Variants in STPG2 observed in about 807,000 individuals in gnomAD.
The protein encoded by STPG2 is sperm tail PG-rich repeat containing 2.
STPG2 carries 56 observed loss-of-function variants against 54.2 expected under a neutral mutation model. The observed-to-expected ratio is 1.03, with a 90% CI of 0.83 to 1.29. STPG2 has a LOEUF of 1.29. Among genes scored for constraint, STPG2 ranks in the 50% most tolerant of loss-of-function variants. The pLI, the probability that STPG2 is intolerant of heterozygous loss-of-function variation, is 0.00. For synonymous variants in STPG2, 200 were observed against 181.8 expected (o/e 1.10, Z -0.81); for missense variants, 596 against 544.9 (o/e 1.09, Z -0.93).
chr4:97,881,677 A>G (rs765024218), intron 8 of STPG2, among the ~76,000 whole-genome samples: 1 of 152,164 alleles, frequency 6.6e-6, no homozygotes, highest in South Asian at 2.1e-4. Flanking sequence ...TTAGACTAAA[A>G]TATTTCCTAC....
At chr4:97,803,771 C>T (rs1371296898) in intron 9 of STPG2, among the ~76,000 whole-genome samples, 1 of 152,152 alleles carries the variant, frequency 6.6e-6, no homozygotes, top group Non-Finnish European at 1.5e-5. Flanking sequence ...GAACTCCTGA[C>T]CTCAAATGAT....
chr4:97,991,520 C>T (rs557375368), intron 5 of STPG2, among the ~76,000 whole-genome samples: 41 of 151,110 alleles, frequency 2.7e-4, no homozygotes, highest in African/African-American at 1.0e-3. Context: ...GGCATTTGGG[C>T]TCCTTCCATA....
At chr4:97,863,836 C>A (rs1022900883) in intron 8 of STPG2, among the ~76,000 whole-genome samples, 10 of 151,944 alleles carry the variant, frequency 6.6e-5, no homozygotes, top group South Asian at 2.1e-4. Flanking sequence ...ATAAACAGAA[C>A]CAAAGACAAA....
chr4:97,950,251 C>T (rs1487449980), intron 7 of STPG2, among the ~76,000 whole-genome samples: 1 of 151,918 alleles, frequency 6.6e-6, no homozygotes, highest in African/African-American at 2.4e-5. Flanking sequence ...TTAGGTTTGG[C>T]CATTTTACAT....
At chr4:97,679,693 T>A (rs1722968113) in intron 10 of STPG2, among the ~76,000 whole-genome samples, 1 of 152,190 alleles carries the variant, frequency 6.6e-6, no homozygotes, top group Non-Finnish European at 1.5e-5. Context: ...AGACATGAAG[T>A]CCTTGCCCAT....
intron 1 of STPG2, among the ~76,000 whole-genome samples, chr4:98,137,128 A>G (rs969209390): frequency 2.0e-5 from 3 of 151,774 alleles, no homozygotes; most frequent in African/African-American, 7.2e-5. Flanking sequence ...TAAGACATAA[A>G]AACAGAAATT....
chr4:98,121,978 C>T (rs1739694006), intron 3 of STPG2, among the ~76,000 whole-genome samples: 1 of 152,128 alleles, frequency 6.6e-6, no homozygotes. Context: ...CATCAGCCTC[C>T]CAAAGTGCTG....
chr4:97,622,629 A>G (rs1339050101), intron 10 of STPG2, among the ~76,000 whole-genome samples: 1 of 152,292 alleles, frequency 6.6e-6, no homozygotes, highest in Non-Finnish European at 1.5e-5. Context: ...GCACAAATAA[A>G]TGGAAAAACA....
At chr4:97,647,225 T>TCC (rs1337383307) in intron 10 of STPG2, among the ~76,000 whole-genome samples, 1 of 152,184 alleles carries the variant, frequency 6.6e-6, no homozygotes, top group Non-Finnish European at 1.5e-5. Context: ...AAGTTCTGGC[T>TCC]CTGCCATTTA....
At chr4:97,492,446 A>G (rs139220299) in intron 4 of STPG2, among the ~76,000 whole-genome samples, 5 of 151,540 alleles carry the variant, frequency 3.3e-5, no homozygotes, top group African/African-American at 1.2e-4. Flanking sequence ...CCAAGATGTA[A>G]CTTCCTATTT....
chr4:97,846,623 C>CAAAAAAAA (rs540016952), intron 8 of STPG2, among the ~76,000 whole-genome samples: 1 of 68,374 alleles, frequency 1.5e-5, no homozygotes, highest in Non-Finnish European at 2.9e-5. Context: ...GACTCCACCT[C>CAAAAAAAA]AAAAAAAAAA....
intron 5 of STPG2, among the ~76,000 whole-genome samples, chr4:98,085,036 T>C (rs1017109153): frequency 2.6e-5 from 4 of 152,122 alleles, no homozygotes; most frequent in African/African-American, 7.2e-5. Flanking sequence ...TACCCCAAAA[T>C]TGTACAGATT....
chr4:97,631,140 G>T (rs1197824378), intron 10 of STPG2, among the ~76,000 whole-genome samples: 1 of 151,938 alleles, frequency 6.6e-6, no homozygotes, highest in Non-Finnish European at 1.5e-5. Flanking sequence ...TTGGGAAAAA[G>T]ATTCTATCAA....
At chr4:97,991,876 A>C (rs561568919) in intron 5 of STPG2, among the ~76,000 whole-genome samples, 1 of 151,610 alleles carries the variant, frequency 6.6e-6, no homozygotes, top group Non-Finnish European at 1.5e-5. Flanking sequence ...GCATTTTTTC[A>C]TATGTTTGTT....
At chr4:98,036,829 CA>C (rs1240064889) in intron 5 of STPG2, among the ~76,000 whole-genome samples, 3 of 151,956 alleles carry the variant, frequency 2.0e-5, no homozygotes, top group Admixed American at 6.6e-5. Flanking sequence ...AAAGAAGACA[CA>C]AAGATTAAAG....
chr4:98,105,870 A>T lies in STPG2; in HGVS notation c.612+83T>A, dbSNP rs1002770914. The T allele has an allele frequency of 4.9e-6, 6 of 1,218,086 alleles. No individual in the cohort carries two copies. The African/African-American group carries it at 9.3e-5, about 19-fold the overall frequency. 75.5% of individuals were successfully genotyped at this position (1,218,086 alleles called of 1,614,324 possible). Reference sequence around the variant, plus strand: ...GATTAGCTATCAGGCACATTAGATCAAAGAGCACAGTAACCTTGTGATAAC... The same window carrying T: ...GATTAGCTATCAGGCACATTAGATCTAAGAGCACAGTAACCTTGTGATAAC... On this transcript the variant is annotated intron_variant, in intron 5 of 10. Transcript: ENST00000295268.
chr4:97,719,698 G>A (rs1166352470), intron 9 of STPG2, among the ~76,000 whole-genome samples: 1 of 151,848 alleles, frequency 6.6e-6, no homozygotes, highest in African/African-American at 2.4e-5. Context: ...CTCTATAAAT[G>A]CTTATTGAGC....
intron 7 of STPG2, among the ~76,000 whole-genome samples, chr4:97,952,115 A>T (rs576193167): frequency 2.0e-5 from 3 of 152,096 alleles, no homozygotes; most frequent in Admixed American, 6.6e-5. Flanking sequence ...TGTTCCAAGT[A>T]TAGAGGAGTT....
intron 8 of STPG2, among the ~76,000 whole-genome samples, chr4:97,890,685 G>A (rs1201499228): frequency 1.3e-5 from 2 of 151,662 alleles, no homozygotes; most frequent in East Asian, 3.9e-4. Flanking sequence ...AAGAAGAGTT[G>A]GATTGTTCCA....
Sources: gnomAD v4.1 joint callset for allele counts (sites outside exome capture counted in the v4.1 genomes callset) on GRCh38, gnomAD v4.1.1 for gene constraint, MANE v1.5 for transcripts, NCBI Gene and HGNC (gene_info 2026-07-23, HGNC 2026-07-21) for gene names.